The following CENPP variants were observed in gnomAD, a reference collection of about 807,000 sequenced individuals.
The protein encoded by CENPP is centromere protein P.
In CENPP, 24 loss-of-function variants were observed where a neutral mutation model predicts 35.6. The ratio of observed to expected loss-of-function variants is 0.67; its 90% CI spans 0.49 to 0.95. The LOEUF (loss-of-function observed/expected upper bound fraction) is 0.95, where lower values mean the gene tolerates loss of function less well. Among genes scored for constraint, CENPP ranks in the 40% least tolerant of loss-of-function variants. The pLI, the probability that CENPP is intolerant of heterozygous loss-of-function variation, is 0.00. For missense variants in CENPP, 332 were observed against 345.3 expected (o/e 0.96, Z 0.31); for synonymous variants, 120 against 125.5 (o/e 0.96, Z 0.29).
chr9:92,337,594 A>C lies in CENPP; in HGVS notation c.343A>C (p.Thr115Pro). 1.2e-6 allele frequency: 2 copies of C among 1,608,220 alleles called. No individual in the cohort carries two copies. The highest frequency in any genetic ancestry group is 1.7e-6 in the Non-Finnish European group (2 of 1,174,668). The stretch of plus-strand genomic sequence containing the variant: ...ATTATCAGGAAATTGCCACATGGTT[A>C]CATTTCAACTTGAATTTCAGATTCT... ...HRLSGNCHMV[T>P]FQLEFQILEI... Residue 115 changes from threonine to proline, a missense_variant, in exon 3 of 8, where the codon ACA becomes CCA. Thr to Pro is a conservative substitution (Grantham distance 38, BLOSUM62 -1). Coordinates refer to ENST00000375587, the MANE Select transcript of CENPP (RefSeq NM_001012267.3).
chr9:92,362,925 C>T (rs1233855763), intron 4 of CENPP, among the ~76,000 whole-genome samples: 1 of 152,064 alleles, frequency 6.6e-6, no homozygotes, highest in Admixed American at 6.6e-5. Context: ...TATTTTGGTG[C>T]TCAAAGTGTC....
chr9:92,397,099 C>A (rs923498405), intron 5 of CENPP, among the ~76,000 whole-genome samples: 1 of 151,798 alleles, frequency 6.6e-6, no homozygotes, highest in African/African-American at 2.4e-5. Flanking sequence ...ATTGCTGGAG[C>A]CCAGGAGGTC....
At position 92,533,328 on chromosome 9, in the gene CENPP, AATATATAT is replaced by A. The variant is rs202147064; in HGVS notation, c.565-77963_565-77956del. 5.1e-3 allele frequency among the ~76,000 whole-genome samples: 195 copies of A among 38,308 alleles called. 9 individuals are homozygous for A. The highest frequency in any genetic ancestry group is 0.045 in the East Asian group (61 of 1,346). 25.1% of individuals were successfully genotyped at this position (38,308 alleles called of 152,430 possible). A position where few individuals can be genotyped will look rare whatever the true frequency, so the allele number is the denominator to read the frequency against. On this transcript the variant is annotated intron_variant, in intron 5 of 7. Coordinates refer to ENST00000375587, the MANE Select transcript of CENPP (RefSeq NM_001012267.3). ...CAAAAAAAAAAAAAAAAAAAAAAAA[AATATATAT>A]ATATATATATATATATATATATGCT...
chr9:92,411,205 C>A (rs771353805), intron 5 of CENPP, among the ~76,000 whole-genome samples: 1 of 152,184 alleles, frequency 6.6e-6, no homozygotes, highest in Non-Finnish European at 1.5e-5. Context: ...GTCTCCTGAC[C>A]TCGTGATCTG....
chr9:92,377,675 C>T (rs942938399), intron 4 of CENPP, among the ~76,000 whole-genome samples: 12 of 152,068 alleles, frequency 7.9e-5, no homozygotes, highest in African/African-American at 2.9e-4. Context: ...ACAGGATGAC[C>T]CCAGCACTTC....
At chr9:92,447,158 G>A (rs944242932) in intron 5 of CENPP, among the ~76,000 whole-genome samples, 5 of 152,100 alleles carry the variant, frequency 3.3e-5, no homozygotes, top group African/African-American at 7.2e-5. Flanking sequence ...CCACGGACAG[G>A]CATGAGGGAG....
chr9:92,473,238 T>C (rs1845592176), intron 5 of CENPP, among the ~76,000 whole-genome samples: 1 of 152,106 alleles, frequency 6.6e-6, no homozygotes, highest in Non-Finnish European at 1.5e-5. Context: ...GGTCTTCATG[T>C]TGGAAGCATA....
chr9:92,524,825 T>C lies in CENPP; in HGVS notation c.565-86489T>C, dbSNP rs180748416. ...CTAACTTGCTCAGTGATGAAATTTA[T>C]TTCAATTCTCACAGGCATACCTTGG... On this transcript the variant is annotated intron_variant, in intron 5 of 7. Coordinates refer to ENST00000375587, the MANE Select transcript of CENPP (RefSeq NM_001012267.3). 5.0e-3 allele frequency among the ~76,000 whole-genome samples: 761 copies of C among 152,338 alleles called. 6 individuals carry two copies. Among genetic ancestry groups the C allele is most frequent in the Admixed American group, 0.011 (169 of 15,302 alleles).
chr9:92,478,098 T>G (rs755051520), intron 5 of CENPP, among the ~76,000 whole-genome samples: 1 of 151,984 alleles, frequency 6.6e-6, no homozygotes, highest in African/African-American at 2.4e-5. Flanking sequence ...AATGGGATTA[T>G]AAGCAAAGCA....
At chr9:92,429,290 G>C (rs1328205214) in intron 5 of CENPP, among the ~76,000 whole-genome samples, 1 of 152,096 alleles carries the variant, frequency 6.6e-6, no homozygotes. Context: ...TCACCTCCCA[G>C]ACCTTACCTG....
intron 5 of CENPP, among the ~76,000 whole-genome samples, chr9:92,418,560 T>C (rs1298138611): frequency 6.6e-6 from 1 of 152,146 alleles, no homozygotes; most frequent in African/African-American, 2.4e-5. Flanking sequence ...ATCCCTCCAC[T>C]GTAAATGCTG....
intron 5 of CENPP, among the ~76,000 whole-genome samples, chr9:92,410,992 T>C (rs527530343): frequency 6.6e-6 from 1 of 152,156 alleles, no homozygotes; most frequent in Non-Finnish European, 1.5e-5. Context: ...TTTTTCCTTT[T>C]GAGACAGAGT....
At chr9:92,399,054 C>CA (rs113748385) in intron 5 of CENPP, among the ~76,000 whole-genome samples, 1,184 of 109,414 alleles carry the variant, frequency 0.011, 10 homozygotes, top group African/African-American at 0.031. Context: ...GACTCTGTCT[C>CA]AAAAAAAAAA....
intron 5 of CENPP, among the ~76,000 whole-genome samples, chr9:92,398,053 A>G (rs1842963515): frequency 6.6e-6 from 1 of 152,100 alleles, no homozygotes; most frequent in Non-Finnish European, 1.5e-5. Flanking sequence ...ATTTACGTAT[A>G]TTTACTTAGT....
At chr9:92,432,310 A>T (rs1318567527) in intron 5 of CENPP, among the ~76,000 whole-genome samples, 1 of 151,758 alleles carries the variant, frequency 6.6e-6, no homozygotes, top group African/African-American at 2.4e-5. Flanking sequence ...GGGCGACAAG[A>T]GCGAAACTCC....
At chr9:92,498,581 G>C (rs2131143577) in intron 5 of CENPP, among the ~76,000 whole-genome samples, 1 of 151,726 alleles carries the variant, frequency 6.6e-6, no homozygotes, top group Non-Finnish European at 1.5e-5. Context: ...AAAAAGAAAA[G>C]AGCAATTTCT....
intron 4 of CENPP, among the ~76,000 whole-genome samples, chr9:92,350,631 T>G (rs763651347): frequency 3.3e-5 from 5 of 152,232 alleles, no homozygotes; most frequent in African/African-American, 7.2e-5. Context: ...CTGTGGCCTT[T>G]AAGCGTGAAT....
At chr9:92,335,125 G>A (rs1187221778) in intron 2 of CENPP, among the ~76,000 whole-genome samples, 1 of 152,126 alleles carries the variant, frequency 6.6e-6, no homozygotes, top group Non-Finnish European at 1.5e-5. Context: ...CCGCACTCCA[G>A]CCTGGGCGAC....
At chr9:92,598,071 GTGTT>G (rs1217614599) in intron 5 of CENPP, among the ~76,000 whole-genome samples, 1 of 152,240 alleles carries the variant, frequency 6.6e-6, no homozygotes, top group East Asian at 1.9e-4. Context: ...TCTAGACAAA[GTGTT>G]TGTGGCCAAA....
Sources: gnomAD v4.1 joint callset for allele counts (sites outside exome capture counted in the v4.1 genomes callset) on GRCh38, gnomAD v4.1.1 for gene constraint, MANE v1.5 for transcripts, NCBI Gene and HGNC (gene_info 2026-07-23, HGNC 2026-07-21) for gene names.